AFG2A: variants seen among roughly 807,000 people sequenced by gnomAD.
The protein encoded by AFG2A is AAA ATPase AFG2A.
the AFG2A span, among the ~76,000 whole-genome samples, chr4:123,222,417 G>A: frequency 2.0e-5 from 3 of 152,254 alleles, no homozygotes; most frequent in South Asian, 2.1e-4. Flanking sequence ...AGCTGCTGAT[G>A]AAAAATGTAC....
chr4:123,028,329 G>A, the AFG2A span: 1 of 1,614,130 alleles, frequency 6.2e-7, no homozygotes, highest in Non-Finnish European at 8.5e-7. Context: ...GGCCACCTGG[G>A]TGCTCTAAAA....
the AFG2A span, among the ~76,000 whole-genome samples, chr4:123,287,522 T>C: frequency 1.3e-5 from 2 of 152,230 alleles, no homozygotes; most frequent in Non-Finnish European, 2.9e-5. Context: ...AAAACCAACT[T>C]GTTAAGACTA....
the AFG2A span, among the ~76,000 whole-genome samples, chr4:123,302,857 A>G: frequency 6.6e-6 from 1 of 152,216 alleles, no homozygotes; most frequent in African/African-American, 2.4e-5. Context: ...CAATGGAAAC[A>G]TTTGCACTGA....
chr4:123,175,095 T>C, the AFG2A span, among the ~76,000 whole-genome samples: 412 of 152,210 alleles, frequency 2.7e-3, 1 homozygote, highest in African/African-American at 9.1e-3. Flanking sequence ...CTAATCTTGA[T>C]ATGAGGAAGA....
At chr4:123,076,745 A>T in the AFG2A span, among the ~76,000 whole-genome samples, 11 of 151,894 alleles carry the variant, frequency 7.2e-5, no homozygotes, top group African/African-American at 2.7e-4. Context: ...AAAGAAATCA[A>T]TGTAGAAATA....
the AFG2A span, among the ~76,000 whole-genome samples, chr4:123,251,459 C>T: frequency 6.6e-6 from 1 of 152,084 alleles, no homozygotes; most frequent in Non-Finnish European, 1.5e-5. Flanking sequence ...ACTGCTTCAA[C>T]ATTTAGAAAC....
At chr4:123,028,683 T>A in the AFG2A span, among the ~76,000 whole-genome samples, 1 of 152,196 alleles carries the variant, frequency 6.6e-6, no homozygotes, top group Non-Finnish European at 1.5e-5. Context: ...TTTTTTTGTT[T>A]GTTTCTACAT....
At chr4:123,104,886 A>T in the AFG2A span, among the ~76,000 whole-genome samples, 1 of 152,252 alleles carries the variant, frequency 6.6e-6, no homozygotes, top group East Asian at 1.9e-4. Flanking sequence ...AGCTATCTGC[A>T]TAACATAAAA....
At chr4:123,079,951 G>A in the AFG2A span, among the ~76,000 whole-genome samples, 5 of 151,610 alleles carry the variant, frequency 3.3e-5, no homozygotes, top group South Asian at 2.1e-4. Flanking sequence ...GGGTTTCACC[G>A]TGTTAGCCAG....
At chr4:123,314,922 A>AT in the AFG2A span, 1 of 151,310 alleles carries the variant, frequency 6.6e-6, no homozygotes, top group Non-Finnish European at 1.5e-5. Flanking sequence ...CACGCAGCTA[A>AT]TTTTTATATT....
At chr4:122,943,415 T>C in the AFG2A span, among the ~76,000 whole-genome samples, 1 of 152,202 alleles carries the variant, frequency 6.6e-6, no homozygotes, top group African/African-American at 2.4e-5. Context: ...CTTTTGATCT[T>C]TGTTGGTTTA....
chr4:123,286,349 A>G, the AFG2A span, among the ~76,000 whole-genome samples: 8 of 152,176 alleles, frequency 5.3e-5, no homozygotes, highest in Non-Finnish European at 8.8e-5. Context: ...TTAATGACTT[A>G]TATATTTAGA....
the AFG2A span, among the ~76,000 whole-genome samples, chr4:123,224,888 A>T: frequency 1.3e-5 from 2 of 152,032 alleles, no homozygotes; most frequent in African/African-American, 4.8e-5. Context: ...TCCTGACTTT[A>T]TAATGATCGC....
At chr4:123,151,424 A>G in the AFG2A span, among the ~76,000 whole-genome samples, 3 of 152,198 alleles carry the variant, frequency 2.0e-5, no homozygotes, top group Non-Finnish European at 4.4e-5. Context: ...AATTTACAAG[A>G]AAAAAACAAA....
chr4:123,030,400 CT>C, the AFG2A span, among the ~76,000 whole-genome samples: 1 of 152,030 alleles, frequency 6.6e-6, no homozygotes, highest in African/African-American at 2.4e-5. Context: ...CATTTTTAGT[CT>C]TTTTTTCACT....
the AFG2A span, among the ~76,000 whole-genome samples, chr4:123,104,119 G>T: frequency 2.6e-5 from 4 of 152,088 alleles, no homozygotes; most frequent in African/African-American, 9.7e-5. Flanking sequence ...TATAAATTGA[G>T]TATTTGTGGT....
chr4:123,048,417 A>G, the AFG2A span, among the ~76,000 whole-genome samples: 2 of 152,218 alleles, frequency 1.3e-5, no homozygotes, highest in African/African-American at 4.8e-5. Flanking sequence ...GTATTTTGAT[A>G]GGGATTGAGT....
At chr4:123,245,119 G>A in the AFG2A span, among the ~76,000 whole-genome samples, 308 of 152,282 alleles carry the variant, frequency 2.0e-3, 1 homozygote, top group Non-Finnish European at 3.7e-3. Flanking sequence ...TTAGAGAGGT[G>A]TGAAGAATAT....
chr4:122,927,720 C>G, the AFG2A span: 3 of 1,613,118 alleles, frequency 1.9e-6, no homozygotes, highest in South Asian at 3.3e-5. Context: ...ATGTATAGGT[C>G]GACCAGTGTT....
Sources: allele counts gnomAD v4.1 joint callset (sites outside exome capture counted in the v4.1 genomes callset), GRCh38; gene constraint gnomAD v4.1.1; transcripts MANE v1.5; gene names NCBI Gene and HGNC (gene_info 2026-07-23, HGNC 2026-07-21).